Variants in ANK3 observed in about 807,000 individuals in gnomAD.
ANK3 encodes ankyrin 3.
A neutral mutation model predicts 370.9 loss-of-function variants in ANK3; 57 were observed. That is an observed-to-expected ratio of 0.15 (90% CI 0.12 to 0.19). The LOEUF is 0.19. Among genes scored for constraint, ANK3 ranks in the 10% least tolerant of loss-of-function variants. The pLI, the probability that ANK3 is intolerant of heterozygous loss-of-function variation, is 1.00. For missense variants in ANK3, 4,439 were observed against 5,302.1 expected (o/e 0.84, Z 5.06); for synonymous variants, 1,929 against 1,946.3 (o/e 0.99, Z 0.23).
rs2082476797 is a variant in ANK3, at chr10:60,070,445, T to C, written c.10436A>G (p.Lys3479Arg). ...AGATGAAGAACTTTTAGAAGGTGGC[T>C]TGTCCTCATCTGGTCCCACCTTTCC... ...EEGKVGPDED[K>R]PPSKSSSSEK... Residue 3479 changes from lysine to arginine, a missense_variant, in exon 37 of 44, where the codon AAG (lysine) becomes AGG (arginine). Around this residue, in one of 13 missense-constraint regions of ANK3, gnomAD observed 1,601 missense variants for 1,731.7 expected, o/e 0.92. Coordinates refer to ENST00000280772, the MANE Select transcript of ANK3 (RefSeq NM_020987.5). This position sits in a 1 kb window ranked among gnomAD's most constrained non-coding sequence, Gnocchi z 5.7. 6.2e-7 allele frequency: 1 copy of C among 1,614,166 alleles called. No homozygotes were observed. Among genetic ancestry groups the C allele is most frequent in the Non-Finnish European group, 8.5e-7 (1 of 1,180,012 alleles).
At chr10:60,536,657 CA>C (rs1186559402) in intron 2 of ANK3, among the ~76,000 whole-genome samples, 2 of 151,794 alleles carry the variant, frequency 1.3e-5, no homozygotes, top group East Asian at 1.9e-4. Context: ...ATCACATAAA[CA>C]AAAAAACACG....
chr10:60,644,174 C>T (rs1312335498), intron 1 of ANK3, among the ~76,000 whole-genome samples: 1 of 152,096 alleles, frequency 6.6e-6, no homozygotes, highest in Non-Finnish European at 1.5e-5. Flanking sequence ...GATGACTTCT[C>T]GTCTCTTGGT....
intron 26 of ANK3, 59 bp downstream of exon 26, chr10:60,114,166 A>G: frequency 2.2e-6 from 2 of 890,328 alleles, no homozygotes; most frequent in South Asian, 3.7e-5. Context: ...TATAACTCTA[A>G]GTAATAAATG....
At chr10:60,150,964 CT>C in intron 23 of ANK3, among the ~76,000 whole-genome samples, 1 of 152,316 alleles carries the variant, frequency 6.6e-6, no homozygotes, top group Middle Eastern at 3.4e-3. Flanking sequence ...ATTCCAGTTT[CT>C]GTAACTGTGT....
At chr10:60,308,709 C>G (rs941717086) in intron 1 of ANK3, among the ~76,000 whole-genome samples, 6 of 152,098 alleles carry the variant, frequency 3.9e-5, no homozygotes, top group African/African-American at 1.4e-4. Context: ...AGGTCCTCAG[C>G]CCCTACCATC....
At chr10:60,692,886 A>G (rs2079376616) in intron 1 of ANK3, among the ~76,000 whole-genome samples, 5 of 140,294 alleles carry the variant, frequency 3.6e-5, no homozygotes, top group Admixed American at 3.5e-4. Flanking sequence ...ATTGAATGAC[A>G]CTTACAAAAA....
chr10:60,369,761 G>A (rs1050596973), intron 1 of ANK3, among the ~76,000 whole-genome samples: 4 of 151,954 alleles, frequency 2.6e-5, no homozygotes, highest in East Asian at 1.9e-4. Context: ...TGTCTACTTC[G>A]ACTCTTATCT....
chr10:60,258,656 G>T (rs963870987), intron 7 of ANK3, among the ~76,000 whole-genome samples: 1 of 152,204 alleles, frequency 6.6e-6, no homozygotes, highest in Non-Finnish European at 1.5e-5. Context: ...ATGCAGGAAA[G>T]ATTCCAGAAG....
chr10:60,538,874 T>C (rs376706349), intron 2 of ANK3, among the ~76,000 whole-genome samples: 1 of 151,986 alleles, frequency 6.6e-6, no homozygotes, highest in Non-Finnish European at 1.5e-5. Flanking sequence ...GCCATAGTTA[T>C]TGAAACAATG....
intron 28 of ANK3, among the ~76,000 whole-genome samples, chr10:60,094,539 G>T (rs1306763853): frequency 6.6e-6 from 1 of 152,004 alleles, no homozygotes. Context: ...GTGTGCTTAA[G>T]ATATTTATAA....
chr10:60,639,990 G>T (rs1308301549), intron 1 of ANK3, among the ~76,000 whole-genome samples: 1 of 151,558 alleles, frequency 6.6e-6, no homozygotes, highest in Non-Finnish European at 1.5e-5. Flanking sequence ...ATAGACACAG[G>T]TTAAAAGTAA....
At chr10:60,267,713 G>A (rs544949879) in intron 5 of ANK3, among the ~76,000 whole-genome samples, 292 of 152,204 alleles carry the variant, frequency 1.9e-3, no homozygotes, top group Non-Finnish European at 3.2e-3. Flanking sequence ...AGTAAATTGG[G>A]GTTATGTTTG....
rs774549658 is a variant in ANK3 at position 60,172,419 on chromosome 10, T to C, written c.2383-16A>G. ...TATTCCCATTCTGGCAAAAGGAAAA[T>C]GTGAGTGAGGAATTAGCAAGCCTTA... On this transcript the variant is annotated splice_polypyrimidine_tract_variant and intron_variant, in intron 20 of 43. Coordinates refer to ENST00000280772, the MANE Select transcript of ANK3 (RefSeq NM_020987.5). 1.9e-6 allele frequency: 3 copies of C among 1,609,434 alleles called. No individual in the cohort carries two copies. In the Admixed American group the frequency reaches 5.0e-5, roughly 27 times the overall value.
At chr10:60,702,530 C>T (rs2079558846) in intron 1 of ANK3, among the ~76,000 whole-genome samples, 1 of 151,760 alleles carries the variant, frequency 6.6e-6, no homozygotes, top group Non-Finnish European at 1.5e-5. Flanking sequence ...TCTTTGGGTC[C>T]TTGAGAAATG....
Position 60,172,394 on chromosome 10 carries a change from T to C in ANK3, c.2392A>G (p.Thr798Ala). ...AGGCGCCGGGCAATGCCAAGGGCAG[T>C]ATTCCCATTCTGGCAAAAGGAAAAT... ...SPNELTVNGN[T>A]ALGIARRLGY... Residue 798 changes from threonine to alanine, a missense_variant, in exon 21 of 44, where the codon ACT becomes GCT. By Grantham distance (58) the Thr-to-Ala change is moderately conservative. Coordinates refer to ENST00000280772, the MANE Select transcript of ANK3 (RefSeq NM_020987.5). The C allele has an allele frequency of 6.2e-7, 1 of 1,613,918 alleles. No individual in the cohort carries two copies. Among genetic ancestry groups the C allele is most frequent in the Non-Finnish European group, 8.5e-7 (1 of 1,179,786 alleles).
At chr10:60,363,895 T>G (rs989418722) in intron 1 of ANK3, among the ~76,000 whole-genome samples, 8 of 151,648 alleles carry the variant, frequency 5.3e-5, no homozygotes, top group Non-Finnish European at 1.2e-4. Flanking sequence ...TATAAAAAGA[T>G]AGGATTAATT....
intron 2 of ANK3, among the ~76,000 whole-genome samples, chr10:60,450,426 A>G (rs183475592): frequency 1.3e-5 from 2 of 152,346 alleles, no homozygotes; most frequent in East Asian, 3.9e-4. Flanking sequence ...ACAATCAGCA[A>G]TCAGCTCTTT....
intron 4 of ANK3, among the ~76,000 whole-genome samples, chr10:60,270,824 T>A (rs2097964389): frequency 6.6e-6 from 1 of 152,206 alleles, no homozygotes; most frequent in African/African-American, 2.4e-5. Flanking sequence ...CCGATTTGCA[T>A]AATGGTATGA....
intron 1 of ANK3, among the ~76,000 whole-genome samples, chr10:60,698,273 G>A (rs1168846461): frequency 6.7e-6 from 1 of 149,824 alleles, no homozygotes; most frequent in Non-Finnish European, 1.5e-5. Context: ...AGAGGATGTG[G>A]AGAAATAGGA....
Sources: allele counts gnomAD v4.1 joint callset (sites outside exome capture counted in the v4.1 genomes callset), GRCh38; gene constraint gnomAD v4.1.1; regional missense constraint gnomAD v4.1.1; non-coding constraint Gnocchi (gnomAD v3.1); transcripts MANE v1.5; gene names NCBI Gene and HGNC (gene_info 2026-07-23, HGNC 2026-07-21).